TNFSF18: variants seen among roughly 807,000 people sequenced by gnomAD.
The protein encoded by TNFSF18 is TNF superfamily member 18, also known as tumor necrosis factor ligand superfamily member 18.
Under a neutral mutation model 9.6 loss-of-function variants are expected in TNFSF18, and 6 were observed. The observed-to-expected ratio is 0.63, with a 90% CI of 0.34 to 1.24. TNFSF18 has a LOEUF of 1.24. Ranked by LOEUF, TNFSF18 falls within the 50% of genes most tolerant of loss-of-function variation. The probability of loss-of-function intolerance (pLI) is 0.03; values close to 1 mark genes in which losing one functional copy is unlikely to be tolerated. For synonymous variants in TNFSF18, 68 were observed against 71.7 expected, an observed-to-expected ratio of 0.95 and a Z score of 0.26; for missense variants, 210 against 201.0, an observed-to-expected ratio of 1.04 and a Z score of -0.27.
intron 1 of TNFSF18, among the ~76,000 whole-genome samples, chr1:173,047,944 T>G (rs1282781819): frequency 1.8e-4 from 28 of 152,148 alleles, no homozygotes; most frequent in Admixed American, 1.4e-3. Flanking sequence ...TTGTTAAATT[T>G]TTGCCCATTA....
At chr1:173,044,335 T>C (rs1455848422) in intron 1 of TNFSF18, among the ~76,000 whole-genome samples, 9 of 152,056 alleles carry the variant, frequency 5.9e-5, no homozygotes, top group Non-Finnish European at 1.5e-5. Context: ...CAAGGTGATC[T>C]GTTGGCATGT....
chr1:173,041,395 A>G lies in TNFSF18; in HGVS notation c.506T>C (p.Leu169Ser), dbSNP rs1444631442. ...LKNNTYWGIILLANPQFIS is the reference protein window; with the variant it reads ...LKNNTYWGIISLANPQFIS ...GGAGATGAATTGGGGATTTGCTAGT[A>G]AAATGATACCCCAGTATGTATTATT... The change falls in exon 3 of 3, where the codon TTA (leucine) becomes TCA (serine). Residue 169 changes from leucine (L) to serine (S), a missense_variant. Coordinates refer to ENST00000404377, the MANE Select transcript of TNFSF18 (RefSeq NM_005092.4). 1.9e-6 allele frequency: 3 copies of G among 1,610,294 alleles called. No individual in the cohort carries two copies. Among genetic ancestry groups the G allele is most frequent in the Non-Finnish European group, 2.5e-6 (3 of 1,177,988 alleles).
rs1289182303 is a variant in TNFSF18, at chr1:173,050,856, G to A, written c.41C>T (p.Ser14Leu). 57 of 1,613,678 alleles carry A rather than the reference G, an allele frequency of 3.5e-5. No homozygotes were observed. Among genetic ancestry groups the A allele is most frequent in the Non-Finnish European group, 4.6e-5 (54 of 1,179,776 alleles). ...SHLENMPLSHSRTQGAQRSSW... is the reference protein window; with the variant it reads ...SHLENMPLSHLRTQGAQRSSW... Reference sequence around the variant, plus strand: ...TGATCTCTGAGCTCCTTGAGTTCTTGAATGGCTTAAAGGCATATTTTCCAA... The same window carrying A: ...TGATCTCTGAGCTCCTTGAGTTCTTAAATGGCTTAAAGGCATATTTTCCAA... Residue 14 changes from serine to leucine, a missense_variant, in exon 1 of 3, where the codon TCA (serine) becomes TTA (leucine). Coordinates refer to ENST00000404377, the MANE Select transcript of TNFSF18 (RefSeq NM_005092.4).
rs16845306 is a variant in TNFSF18, at chr1:173,039,428, T to C, written c.*1939A>G. Among the ~76,000 whole-genome samples the C allele has an allele frequency of 0.25, 38,205 of 151,828 alleles. 5,829 individuals are homozygous for C. Among genetic ancestry groups the C allele is most frequent in the East Asian group, 0.75 (3,885 of 5,162 alleles). On this transcript the variant is annotated 3_prime_UTR_variant, in exon 3 of 3. Coordinates refer to ENST00000404377, the MANE Select transcript of TNFSF18 (RefSeq NM_005092.4). ...AATTTCATTTTCTCCCTTAGTCTGC[T>C]ATGATTATCCCAGGAATGAAGCGGG... is the stretch of plus-strand genomic sequence containing the variant.
intron 1 of TNFSF18, among the ~76,000 whole-genome samples, chr1:173,047,796 A>G (rs949752027): frequency 6.6e-6 from 1 of 152,154 alleles, no homozygotes; most frequent in African/African-American, 2.4e-5. Flanking sequence ...TACAGAGACC[A>G]TCACTGTGAT....
chr1:173,050,647 G>A, intron 1 of TNFSF18, 94 bp downstream of exon 1: 1 of 818,262 alleles, frequency 1.2e-6, no homozygotes, highest in Non-Finnish European at 1.9e-6. Context: ...TCCAACTATT[G>A]CTAACAATAC....
In TNFSF18 at chr1:173,041,555, G is replaced by C. The variant is rs370771974; in HGVS notation, c.346C>G (p.Arg116Gly). 1.9e-6 allele frequency: 3 copies of C among 1,613,390 alleles called. No homozygotes were observed. Among genetic ancestry groups the C allele is most frequent in the Non-Finnish European group, 2.5e-6 (3 of 1,179,582 alleles). The change falls in exon 3 of 3, where the codon CGG becomes GGG. Residue 116 changes from arginine to glycine, a missense_variant. By Grantham distance (125) the Arg-to-Gly change is moderately radical. Transcript: ENST00000404377. ...NYNDVAPFEV[R>G]LYKNKDMIQT... is the part of the protein sequence containing the mutation. ...ATCATGTCTTTGTTTTTATACAGCC[G>C]CACCTCAAAAGGAGCTACATCATTG... is the stretch of plus-strand genomic sequence containing the variant.
chr1:173,043,863 T>C, intron 2 of TNFSF18, 76 bp downstream of exon 2: 3 of 1,278,702 alleles, frequency 2.3e-6, no homozygotes, highest in Non-Finnish European at 3.4e-6. Context: ...ATACAGGTTT[T>C]CTTGAGATCA....
At chr1:173,045,633 T>G (rs994602918) in intron 1 of TNFSF18, among the ~76,000 whole-genome samples, 35 of 151,238 alleles carry the variant, frequency 2.3e-4, no homozygotes, top group Admixed American at 9.2e-4. Flanking sequence ...AAAGAGGTTT[T>G]TTGTTGTTGT....
chr1:173,046,402 A>G (rs1166385204), intron 1 of TNFSF18, among the ~76,000 whole-genome samples: 1 of 152,170 alleles, frequency 6.6e-6, no homozygotes, highest in Non-Finnish European at 1.5e-5. Context: ...ATATCCAAAG[A>G]TGTGTTCTTC....
rs910815529 is a variant in TNFSF18, at chr1:173,039,335, A to G, written c.*2032T>C. 1.3e-5 allele frequency among the ~76,000 whole-genome samples: 2 copies of G among 152,198 alleles called. No individual in the cohort carries two copies. Among genetic ancestry groups the G allele is most frequent in the African/African-American group, 2.4e-5 (1 of 41,460 alleles). On this transcript the variant is annotated 3_prime_UTR_variant, in exon 3 of 3. Coordinates refer to ENST00000404377, the MANE Select transcript of TNFSF18 (RefSeq NM_005092.4). The stretch of plus-strand genomic sequence containing the variant: ...ATGTAAAGGTCACCTGTTGGTAGTC[A>G]TCCCTCTAGCTGCAGCTGTAGTAAC...
At chr1:173,050,510 C>A (rs1037028003) in intron 1 of TNFSF18, among the ~76,000 whole-genome samples, 1 of 152,060 alleles carries the variant, frequency 6.6e-6, no homozygotes, top group Non-Finnish European at 1.5e-5. Context: ...CTCTATCTAA[C>A]AGAGTTCTGC....
chr1:173,042,369 C>T (rs1665007788), intron 2 of TNFSF18, among the ~76,000 whole-genome samples: 1 of 151,964 alleles, frequency 6.6e-6, no homozygotes, highest in Non-Finnish European at 1.5e-5. Flanking sequence ...GTCCCTGGTA[C>T]CTGGTAGATG....
In TNFSF18 at chr1:173,043,929, G is replaced by T. The variant is rs371936882; in HGVS notation, c.187+10C>A. 1 of 1,611,214 alleles carries T rather than the reference G, an allele frequency of 6.2e-7. No individual in the cohort carries two copies. The highest frequency in any genetic ancestry group is 8.5e-7 in the Non-Finnish European group (1 of 1,177,488). On this transcript the variant is annotated intron_variant, in intron 2 of 2. Transcript: ENST00000404377. ...AGAAAAGTAAAAGACATGCAAGATA[G>T]GTTACTCACCAAACTTAGCCATACA...
rs1312782250 is a variant in TNFSF18, at chr1:173,040,947, G to A, written c.*420C>T. Reference sequence around the variant, plus strand: ...ACTTTTTATTGGGAGGGTCTCAGAAGATGGGAGTATGAGAAGAATGAATTA... The same window carrying A: ...ACTTTTTATTGGGAGGGTCTCAGAAAATGGGAGTATGAGAAGAATGAATTA... On this transcript the variant is annotated 3_prime_UTR_variant, in exon 3 of 3. Coordinates refer to ENST00000404377, the MANE Select transcript of TNFSF18 (RefSeq NM_005092.4). The A allele has an allele frequency of 6.4e-6, 1 of 156,200 alleles. No homozygotes were observed. Among genetic ancestry groups the A allele is most frequent in the East Asian group, 1.9e-4 (1 of 5,294 alleles). 9.7% of individuals were successfully genotyped at this position (156,200 alleles called of 1,614,324 possible). A position where few individuals can be genotyped will look rare whatever the true frequency, so the allele number is the denominator to read the frequency against.
chr1:173,050,749 G>A lies in TNFSF18; in HGVS notation c.148C>T (p.Gln50Ter). Residue 50 changes from glutamine (Q) to a stop codon, truncating the protein, a stop_gained, in exon 1 of 3, where the codon CAA becomes TAA. Coordinates refer to ENST00000404377, the MANE Select transcript of TNFSF18 (RefSeq NM_005092.4). LOFTEE classifies it low-confidence loss of function (END_TRUNC). Reference protein sequence around the residue: ...SFSWLIFIFLQLETAKEPCMA... With the variant: ...SFSWLIFIFL ...TACAATTGCCTCCTTACCTCTAATT[G>A]GAGAAAAATAAAGATTAGCCAACTG... 6.2e-7 allele frequency: 1 copy of A among 1,602,206 alleles called. No homozygotes were observed. Among genetic ancestry groups the A allele is most frequent in the Non-Finnish European group, 8.5e-7 (1 of 1,173,522 alleles).
At chr1:173,041,820 A>AATGATTCGGCG in intron 2 of TNFSF18, 107 bp from the exon 3 acceptor site, 1 of 920,844 alleles carries the variant, frequency 1.1e-6, no homozygotes, top group Non-Finnish European at 1.5e-6. Flanking sequence ...TTGTTTCTTT[A>AATGATTCGGCG]CCTGATCTAC....
At chr1:173,048,140 T>C (rs1323593221) in intron 1 of TNFSF18, among the ~76,000 whole-genome samples, 1 of 92,444 alleles carries the variant, frequency 1.1e-5, no homozygotes, top group Non-Finnish European at 2.3e-5. Flanking sequence ...ATGCAGCCAA[T>C]AAAAGGCAAG....
chr1:173,043,521 T>C (rs1665025244), intron 2 of TNFSF18, among the ~76,000 whole-genome samples: 1 of 152,182 alleles, frequency 6.6e-6, no homozygotes, highest in Admixed American at 6.5e-5. Flanking sequence ...TGCTCTTCTA[T>C]ACATTTAGAA....
Sources: allele counts gnomAD v4.1 joint callset (sites outside exome capture counted in the v4.1 genomes callset), GRCh38; gene constraint gnomAD v4.1.1; transcripts MANE v1.5; gene names NCBI Gene and HGNC (gene_info 2026-07-23, HGNC 2026-07-21).